Variants in ADA2 observed in about 807,000 individuals in gnomAD.
ADA2 encodes the protein adenosine deaminase CECR1.
A neutral mutation model predicts 44.2 loss-of-function variants in ADA2; 29 were observed. The observed-to-expected ratio is 0.66, with a 90% CI of 0.49 to 0.89. The LOEUF is 0.89. ADA2 is among the 40% of genes least tolerant of loss of function. ADA2 has a pLI of 0.00. For synonymous variants in ADA2, 215 were observed against 234.9 expected, an observed-to-expected ratio of 0.92 and a Z score of 0.77; for missense variants, 637 against 644.8, an observed-to-expected ratio of 0.99 and a Z score of 0.13.
At chr22:17,191,901 G>A in intron 4 of ADA2, 91 bp from the exon 5 acceptor site, 1 of 1,299,162 alleles carries the variant, frequency 7.7e-7, no homozygotes, top group Non-Finnish European at 1.0e-6. Flanking sequence ...CCCCTGGCCA[G>A]CCACCCCTGC....
chr22:17,200,901 T>G (rs1224387634), intron 4 of ADA2, among the ~76,000 whole-genome samples: 10 of 129,168 alleles, frequency 7.7e-5, no homozygotes, highest in Non-Finnish European at 1.7e-5. Flanking sequence ...AAAAAACATA[T>G]CTAAGGAAAA....
At chr22:17,199,555 C>T in intron 4 of ADA2, 2 of 1,614,044 alleles carry the variant, frequency 1.2e-6, no homozygotes, top group East Asian at 4.5e-5. Flanking sequence ...CTACCAGAGC[C>T]CAGTTCCATT....
chr22:17,212,263 G>A (rs545779500), intron 1 of ADA2, among the ~76,000 whole-genome samples: 2 of 152,102 alleles, frequency 1.3e-5, no homozygotes, highest in South Asian at 4.2e-4. Context: ...CTGACCTCAG[G>A]TGATCCACCA....
chr22:17,184,166 G>C (rs2062008873), intron 7 of ADA2, among the ~76,000 whole-genome samples: 1 of 150,972 alleles, frequency 6.6e-6, no homozygotes, highest in Non-Finnish European at 1.5e-5. Context: ...GGGTTTCACT[G>C]TGTTAGCCAG....
At chr22:17,208,532 G>C (rs2062380660) in intron 2 of ADA2, among the ~76,000 whole-genome samples, 1 of 151,900 alleles carries the variant, frequency 6.6e-6, no homozygotes. Context: ...GCCAGGTGCA[G>C]TGGCTCACAC....
chr22:17,182,461 C>T, intron 8 of ADA2, 143 bp downstream of exon 8: 1 of 862,268 alleles, frequency 1.2e-6, no homozygotes, highest in South Asian at 1.7e-5. Context: ...TCCTGAATAA[C>T]TTTACTAACA....
intron 5 of ADA2, among the ~76,000 whole-genome samples, chr22:17,190,494 T>C (rs1316046533): frequency 6.6e-6 from 1 of 152,194 alleles, no homozygotes; most frequent in Non-Finnish European, 1.5e-5. Flanking sequence ...ATATGGCCTC[T>C]TGCTGATTAA....
At chr22:17,194,960 AC>A (rs1326237647) in intron 4 of ADA2, among the ~76,000 whole-genome samples, 1 of 151,758 alleles carries the variant, frequency 6.6e-6, no homozygotes, top group Non-Finnish European at 1.5e-5. Context: ...CAGGAGAATC[AC>A]CCTTACCACC....
chr22:17,203,587 C>T lies in ADA2; in HGVS notation c.729G>A (p.Met243Ile), dbSNP rs151014930. 72 of 1,612,608 alleles carry T rather than the reference C, an allele frequency of 4.5e-5. No individual in the cohort carries two copies. The highest frequency in any genetic ancestry group is 5.8e-5 in the Non-Finnish European group (69 of 1,179,928). ...CCGGCAGCAGCCTGGCTCTGATCTC[C>T]ATGTAGAGCACGTTGTCCTCGTAGA... Reference protein sequence around the residue: ...QEFYEDNVLYMEIRARLLPVY... With the variant: ...QEFYEDNVLYIEIRARLLPVY... The change falls in exon 4 of 10, where the codon ATG (methionine) becomes ATA (isoleucine). Residue 243 changes from methionine to isoleucine, a missense_variant. Met to Ile is a conservative substitution (Grantham distance 10). Coordinates refer to ENST00000399837, the MANE Select transcript of ADA2 (RefSeq NM_001282225.2).
At chr22:17,193,237 G>A (rs1240759700) in intron 4 of ADA2, 12 of 1,012,862 alleles carry the variant, frequency 1.2e-5, no homozygotes, top group Admixed American at 8.8e-5. Flanking sequence ...CGAAGCCATC[G>A]TGGAAAGAGC....
At chr22:17,209,321 C>T (rs924867331) in intron 2 of ADA2, 35 bp downstream of exon 2, 4 of 1,572,454 alleles carry the variant, frequency 2.5e-6, no homozygotes, top group Middle Eastern at 1.7e-4. Flanking sequence ...CCTCTACCTT[C>T]CCAGCACCCC....
chr22:17,208,024 C>T (rs893888640), intron 2 of ADA2, among the ~76,000 whole-genome samples: 1 of 152,122 alleles, frequency 6.6e-6, no homozygotes, highest in African/African-American at 2.4e-5. Context: ...GCCCCTGGCC[C>T]TGACACGAGC....
At chr22:17,221,156 A>AAAAG (rs2062520217), upstream of ADA2, among the ~76,000 whole-genome samples, 1 of 151,062 alleles carries the variant, frequency 6.6e-6, no homozygotes, top group Non-Finnish European at 1.5e-5. Context: ...AAAAAAAAAA[A>AAAAG]GAGTTTAACA....
intron 7 of ADA2, among the ~76,000 whole-genome samples, chr22:17,185,007 T>TATATATATATATATATATATATATA (rs1568969005): frequency 2.2e-5 from 3 of 136,560 alleles, no homozygotes; most frequent in Non-Finnish European, 3.2e-5. Flanking sequence ...TATATATATA[T>TATATATATATATATATATATATATA]GAAAACTCCA....
At chr22:17,206,890 G>C (rs1440152420) in intron 3 of ADA2, among the ~76,000 whole-genome samples, 181 bp downstream of exon 3, 2 of 152,210 alleles carry the variant, frequency 1.3e-5, no homozygotes, top group African/African-American at 4.8e-5. Flanking sequence ...CTGGGCTCAA[G>C]TGATCCGCTC....
intron 7 of ADA2, among the ~76,000 whole-genome samples, chr22:17,187,556 C>G (rs994207930): frequency 6.6e-6 from 1 of 151,670 alleles, no homozygotes; most frequent in African/African-American, 2.4e-5. Flanking sequence ...CTCCAAAGTG[C>G]TAGGATTACA....
chr22:17,179,508 G>A lies in ADA2; in HGVS notation c.*1975C>T, dbSNP rs763204432. ...GATGGAAAAGAGCAAGGCTTCCTGAGAGAAACAGGGCGAGCACAGGAAAAC... is the reference window on the plus strand; with the variant it reads ...GATGGAAAAGAGCAAGGCTTCCTGAAAGAAACAGGGCGAGCACAGGAAAAC... On this transcript the variant is annotated 3_prime_UTR_variant, in exon 10 of 10. Transcript: ENST00000399837. 1.3e-5 allele frequency: 2 copies of A among 152,278 alleles called. No individual in the cohort carries two copies. Among genetic ancestry groups the A allele is most frequent in the Non-Finnish European group, 2.9e-5 (2 of 68,070 alleles). The allele number at this position is 152,278 out of a possible 1,614,324, so 9.4% of individuals were successfully genotyped here. A position where few individuals can be genotyped will look rare whatever the true frequency, so the allele number is the denominator to read the frequency against.
At position 17,186,938 on chromosome 22, in the gene ADA2, G is replaced by A. The variant is rs140629658; in HGVS notation, c.1081+1401C>T. 3.9e-3 allele frequency among the ~76,000 whole-genome samples: 593 copies of A among 151,650 alleles called. 2 individuals carry two copies. The highest frequency in any genetic ancestry group is 0.014 in the African/African-American group (569 of 41,332). On this transcript the variant is annotated intron_variant, in intron 7 of 9. Transcript: ENST00000399837. ...TCCCAGCACTTTGGGAGGCCTAGAC[G>A]GGTGGATCACAAGGTCAGGCGATCG... is the stretch of plus-strand genomic sequence containing the variant.
At chr22:17,220,094 T>A (rs1007876116), upstream of ADA2, among the ~76,000 whole-genome samples, 5 of 152,174 alleles carry the variant, frequency 3.3e-5, no homozygotes, top group Non-Finnish European at 5.9e-5. Flanking sequence ...CACTCCAAAA[T>A]CTGTTCATGA....
Sources: gnomAD v4.1 joint callset for allele counts (sites outside exome capture counted in the v4.1 genomes callset) on GRCh38, gnomAD v4.1.1 for gene constraint, MANE v1.5 for transcripts, NCBI Gene and HGNC (gene_info 2026-07-23, HGNC 2026-07-21) for gene names.